The following TENM2 variants were observed in gnomAD, a reference collection of about 807,000 sequenced individuals.
TENM2 encodes teneurin-2.
In TENM2, 52 loss-of-function variants were observed where a neutral mutation model predicts 245.2. The observed-to-expected ratio is 0.21, with a 90% confidence interval of 0.17 to 0.27. TENM2 has a LOEUF of 0.27. Among genes scored for constraint, TENM2 ranks in the 10% least tolerant of loss-of-function variants. The pLI is 1.00. For missense variants in TENM2, 3,046 were observed against 3,666.8 expected (o/e 0.83, Z 4.37); for synonymous variants, 1,363 against 1,438.9 (o/e 0.95, Z 1.19).
chr5:167,796,745 T>C (rs1765349455), intron 2 of TENM2, among the ~76,000 whole-genome samples: 1 of 152,100 alleles, frequency 6.6e-6, no homozygotes, highest in Non-Finnish European at 1.5e-5. Flanking sequence ...ACATTCTTCG[T>C]AGGCTGGTAA....
the TENM2 span, among the ~76,000 whole-genome samples, chr5:167,173,399 C>T: frequency 6.6e-6 from 1 of 152,150 alleles, no homozygotes; most frequent in East Asian, 1.9e-4. Flanking sequence ...TCCTTAAATC[C>T]TGACCCATAC....
At chr5:167,162,641 C>A in the TENM2 span, among the ~76,000 whole-genome samples, 282 of 141,540 alleles carry the variant, frequency 2.0e-3, 4 homozygotes, top group African/African-American at 7.8e-3. Flanking sequence ...AAAAAAACAA[C>A]AAAAAACAAA....
chr5:167,518,044 G>A (rs1032421415), intron 2 of TENM2, among the ~76,000 whole-genome samples: 6 of 151,882 alleles, frequency 4.0e-5, no homozygotes, highest in Non-Finnish European at 8.8e-5. Flanking sequence ...AAAATTAGTC[G>A]GATGTTACGG....
chr5:168,162,575 G>A (rs766383012), intron 12 of TENM2, 36 bp from the exon 15 acceptor site: 24 of 1,606,408 alleles, frequency 1.5e-5, no homozygotes, highest in Admixed American at 5.0e-5. Flanking sequence ...GCGGCCTCAC[G>A]TCCCTCCTTC....
At chr5:168,249,409 T>A (rs796236289) in intron 27 of TENM2, among the ~76,000 whole-genome samples, 15 of 151,976 alleles carry the variant, frequency 9.9e-5, no homozygotes, top group African/African-American at 3.6e-4. Flanking sequence ...CTGTGCTAAG[T>A]TCTGGGGATT....
intron 2 of TENM2, among the ~76,000 whole-genome samples, chr5:167,545,813 A>G (rs1772526997): frequency 6.6e-6 from 1 of 152,220 alleles, no homozygotes; most frequent in African/African-American, 2.4e-5. Context: ...CTGTTGGACA[A>G]GGTTCCTTTT....
chr5:167,232,912 A>G, the TENM2 span, among the ~76,000 whole-genome samples: 2 of 152,188 alleles, frequency 1.3e-5, no homozygotes, highest in South Asian at 2.1e-4. Flanking sequence ...ACCCAAAAAC[A>G]TATGTTAAAA....
At chr5:168,109,010 C>T (rs1404702405) in intron 9 of TENM2, among the ~76,000 whole-genome samples, 1 of 152,174 alleles carries the variant, frequency 6.6e-6, no homozygotes, top group Non-Finnish European at 1.5e-5. Context: ...TGCATCCTAG[C>T]TCCTTCAAAC....
chr5:167,091,115 T>G, the TENM2 span, among the ~76,000 whole-genome samples: 1 of 152,164 alleles, frequency 6.6e-6, no homozygotes. Context: ...GGGGTTTTTT[T>G]TGTGAATTTT....
Position 167,314,122 on chromosome 5 carries a change from G to T in TENM2, c.226+29059G>T, listed in dbSNP as rs184598289. 2.0e-5 allele frequency among the ~76,000 whole-genome samples: 3 copies of T among 152,142 alleles called. No individual in the cohort carries two copies. The East Asian group carries it at 5.8e-4, about 29-fold the overall frequency. On this transcript the variant is annotated intron_variant, in intron 1 of 28. Transcript: ENST00000518659. ...TGTTGGAAGGAAATTGGGCATTTTG[G>T]AAAGGACTGATATGAATATTAATTA...
At chr5:167,250,154 C>T in the TENM2 span, among the ~76,000 whole-genome samples, 1 of 152,100 alleles carries the variant, frequency 6.6e-6, no homozygotes, top group Non-Finnish European at 1.5e-5. Flanking sequence ...GTTTTGAAGA[C>T]TTGGTAGGAA....
chr5:168,047,372 C>T (rs997315451), intron 5 of TENM2, 55 bp from the exon 8 acceptor site: 4 of 1,548,914 alleles, frequency 2.6e-6, no homozygotes, highest in African/African-American at 2.7e-5. Context: ...TCCCCCTTGA[C>T]ATTTGCATTG....
At chr5:168,097,911 G>A (rs577797843) in intron 8 of TENM2, 115 bp from the exon 11 acceptor site, 12 of 707,522 alleles carry the variant, frequency 1.7e-5, no homozygotes, top group Non-Finnish European at 3.0e-5. Flanking sequence ...GATCCCCTAT[G>A]ACAGGCATCT....
intron 2 of TENM2, among the ~76,000 whole-genome samples, chr5:167,725,054 G>T (rs1183252930): frequency 6.6e-6 from 1 of 151,950 alleles, no homozygotes; most frequent in Non-Finnish European, 1.5e-5. Flanking sequence ...TAAAATAAAG[G>T]GTATGAGCAA....
At chr5:167,237,084 A>G in the TENM2 span, among the ~76,000 whole-genome samples, 5,298 of 152,190 alleles carry the variant, frequency 0.035, 302 homozygotes, top group African/African-American at 0.12. Flanking sequence ...GGATCAACAA[A>G]TATCTTGTAA....
chr5:167,209,330 C>T, the TENM2 span, among the ~76,000 whole-genome samples: 1 of 149,922 alleles, frequency 6.7e-6, no homozygotes, highest in Non-Finnish European at 1.5e-5. Flanking sequence ...GTGGTGTGAT[C>T]TCGGCTCACT....
chr5:168,211,719 T>C lies in TENM2; in HGVS notation c.3825-15T>C. ...CTGTTTGTTCTTTTTTCCTTTCTGT[T>C]TTCTTTCTATAAAGAAATAAAGAGT... On this transcript the variant is annotated splice_polypyrimidine_tract_variant and intron_variant, in intron 19 of 28. Transcript: ENST00000518659. 7.8e-7 allele frequency: 1 copy of C among 1,288,474 alleles called. No homozygotes were observed. Among genetic ancestry groups the C allele is most frequent in the Non-Finnish European group, 1.1e-6 (1 of 926,206 alleles). The allele number at this position is 1,288,474 out of a possible 1,614,324, so 79.8% of individuals were successfully genotyped here. A position where few individuals can be genotyped will look rare whatever the true frequency, so the allele number is the denominator to read the frequency against.
chr5:167,928,304 C>A (rs1273995725), intron 3 of TENM2, among the ~76,000 whole-genome samples: 1 of 152,128 alleles, frequency 6.6e-6, no homozygotes, highest in Non-Finnish European at 1.5e-5. Flanking sequence ...CCCTCAAAAC[C>A]CCAAGTCTTA....
intron 1 of TENM2, among the ~76,000 whole-genome samples, chr5:167,297,880 G>A (rs575191373): frequency 1.3e-5 from 2 of 152,190 alleles, no homozygotes; most frequent in East Asian, 1.9e-4. Flanking sequence ...TGAGCCAGGA[G>A]AAGGAATTTC....
Sources: gnomAD v4.1 joint callset for allele counts (sites outside exome capture counted in the v4.1 genomes callset) on GRCh38, gnomAD v4.1.1 for gene constraint, MANE v1.5 for transcripts, NCBI Gene and HGNC (gene_info 2026-07-23, HGNC 2026-07-21) for gene names.